The following PPP2R2B variants were observed in gnomAD, a reference collection of about 807,000 sequenced individuals.
PPP2R2B encodes serine/threonine-protein phosphatase 2A 55 kDa regulatory subunit B beta isoform.
A neutral mutation model predicts 46.0 loss-of-function variants in PPP2R2B; 5 were observed. The observed-to-expected ratio is 0.11, with a 90% CI of 0.06 to 0.23. The LOEUF is 0.23. Ranked by LOEUF, PPP2R2B falls within the 10% of genes least tolerant of loss-of-function variation. The pLI is 1.00. For synonymous variants in PPP2R2B, 215 were observed against 206.7 expected (o/e 1.04, Z -0.34); for missense variants, 367 against 575.0 (o/e 0.64, Z 3.70).
intron 1 of PPP2R2B, among the ~76,000 whole-genome samples, chr5:146,924,036 A>G (rs1013136593): frequency 1.3e-5 from 2 of 152,184 alleles, no homozygotes; most frequent in Non-Finnish European, 2.9e-5. Flanking sequence ...ACATATGGAC[A>G]CATAGAGGGG....
chr5:146,884,135 A>G (rs1762253344), intron 1 of PPP2R2B, among the ~76,000 whole-genome samples: 1 of 118,758 alleles, frequency 8.4e-6, no homozygotes, highest in African/African-American at 3.3e-5. Flanking sequence ...TTAAACATTT[A>G]CCAGCCTACC....
chr5:146,644,234 CAAAAAAAAAA>C (rs58634387), intron 6 of PPP2R2B, among the ~76,000 whole-genome samples: 1 of 60,660 alleles, frequency 1.6e-5, no homozygotes, highest in Non-Finnish European at 3.0e-5. Flanking sequence ...AGGAAAGTTT[CAAAAAAAAAA>C]AAAAAAAAAA....
At chr5:146,909,881 CCAAA>C (rs1315145811) in intron 1 of PPP2R2B, among the ~76,000 whole-genome samples, 1 of 152,014 alleles carries the variant, frequency 6.6e-6, no homozygotes, top group African/African-American at 2.4e-5. Context: ...ACAAAAAAGC[CCAAA>C]CAGATTAAGG....
chr5:146,881,519 T>C (rs182882781), upstream of PPP2R2B, among the ~76,000 whole-genome samples: 173 of 152,192 alleles, frequency 1.1e-3, 1 homozygote, highest in East Asian at 0.02. Context: ...TTCAAGTGAG[T>C]CTCATGCGTC....
intron 2 of PPP2R2B, among the ~76,000 whole-genome samples, chr5:146,780,698 C>A (rs1755457032): frequency 6.6e-6 from 1 of 152,186 alleles, no homozygotes; most frequent in South Asian, 2.1e-4. Context: ...AATCCCTGTG[C>A]TGTTTGCTGT....
rs940134409 is a variant in PPP2R2B, at chr5:146,588,893, G to A, written c.*1054C>T. On this transcript the variant is annotated 3_prime_UTR_variant, in exon 10 of 10. Transcript: ENST00000394411. The stretch of plus-strand genomic sequence containing the variant: ...GGCTATTTTTGTTCTAGGTACAATG[G>A]AGGTTGATGGATTGTTACTTTTGGT... 6.6e-6 allele frequency: 1 copy of A among 152,140 alleles called. No homozygotes were observed. Among genetic ancestry groups the A allele is most frequent in the Non-Finnish European group, 1.5e-5 (1 of 68,046 alleles). 9.4% of individuals were successfully genotyped at this position (152,140 alleles called of 1,614,324 possible).
At position 146,946,212 on chromosome 5, in the gene PPP2R2B, C is replaced by A. The variant is rs1295060515; in HGVS notation, c.79+109453G>T. ...AGTATAGCCCAACTACCCCTGTGCA[C>A]ACTTCAGCAATCAACTTGAAGCAGT... On this transcript the variant is annotated intron_variant, in intron 1 of 8. Coordinates refer to the PPP2R2B transcript ENST00000336640. Among the ~76,000 whole-genome samples, 4 of 152,258 alleles carry A rather than the reference C, an allele frequency of 2.6e-5. No homozygotes were observed. The East Asian group carries it at 7.7e-4, about 29-fold the overall frequency.
At chr5:147,079,019 T>C (rs1757887892) in intron 2 of PPP2R2B, among the ~76,000 whole-genome samples, 1 of 152,006 alleles carries the variant, frequency 6.6e-6, no homozygotes, top group Non-Finnish European at 1.5e-5. Flanking sequence ...TTAAAAAAGT[T>C]TCTAATGTCT....
At chr5:147,058,406 G>A (rs1419889756), upstream of PPP2R2B, among the ~76,000 whole-genome samples, 1 of 152,102 alleles carries the variant, frequency 6.6e-6, no homozygotes, top group Non-Finnish European at 1.5e-5. Context: ...TAAGTCAATA[G>A]TAGGCACTCA....
chr5:146,658,853 C>G (rs1776512103), intron 5 of PPP2R2B, among the ~76,000 whole-genome samples: 1 of 152,110 alleles, frequency 6.6e-6, no homozygotes, highest in Non-Finnish European at 1.5e-5. Flanking sequence ...AGATGCATTT[C>G]TAATAAAATG....
intron 1 of PPP2R2B, among the ~76,000 whole-genome samples, chr5:146,927,423 A>G (rs1371605703): frequency 4.6e-5 from 7 of 152,168 alleles, no homozygotes; most frequent in Admixed American, 3.9e-4. Context: ...AGATAACTTC[A>G]GCAACAGATT....
In PPP2R2B at chr5:146,949,561, T is replaced by C. The variant is rs144969721; in HGVS notation, c.79+106104A>G. ...GAGAAAAGGCAAGCCTCTTATGCTG[T>C]TGGTGGGGATGTAAATTAGTACAAC... On this transcript the variant is annotated intron_variant, in intron 1 of 8. Coordinates refer to the PPP2R2B transcript ENST00000336640. 2.1e-3 allele frequency among the ~76,000 whole-genome samples: 320 copies of C among 152,202 alleles called. 4 individuals are homozygous for C. Among genetic ancestry groups the C allele is most frequent in the African/African-American group, 7.4e-3 (307 of 41,556 alleles).
At chr5:146,839,169 G>A (rs1177295447) in intron 2 of PPP2R2B, among the ~76,000 whole-genome samples, 1 of 152,178 alleles carries the variant, frequency 6.6e-6, no homozygotes, top group Non-Finnish European at 1.5e-5. Flanking sequence ...AGGCAGGAAG[G>A]CAAACATTAC....
chr5:147,061,431 C>T (rs895421486), intron 2 of PPP2R2B, among the ~76,000 whole-genome samples: 3 of 152,210 alleles, frequency 2.0e-5, no homozygotes, highest in African/African-American at 4.8e-5. Flanking sequence ...AATTTATCCT[C>T]ACCGAGATTT....
intron 2 of PPP2R2B, among the ~76,000 whole-genome samples, chr5:146,854,161 G>C (rs191493477): frequency 2.0e-5 from 3 of 152,054 alleles, no homozygotes; most frequent in Non-Finnish European, 4.4e-5. Context: ...TTCCCAATCT[G>C]CTGACACACA....
chr5:146,911,127 A>G (rs1042456889), intron 1 of PPP2R2B, among the ~76,000 whole-genome samples: 1 of 148,688 alleles, frequency 6.7e-6, no homozygotes, highest in African/African-American at 2.5e-5. Context: ...TTTGTCCCCC[A>G]AGTTGGAGTG....
intron 1 of PPP2R2B, among the ~76,000 whole-genome samples, chr5:146,984,923 TC>T (rs1440755015): frequency 6.6e-6 from 1 of 152,102 alleles, no homozygotes; most frequent in East Asian, 1.9e-4. Context: ...AAAATTCTGT[TC>T]TTTGTTTTCT....
At chr5:146,871,220 G>A (rs1190136647) in intron 2 of PPP2R2B, among the ~76,000 whole-genome samples, 1 of 152,206 alleles carries the variant, frequency 6.6e-6, no homozygotes, top group African/African-American at 2.4e-5. Context: ...TGGCCAAAGT[G>A]AAGCCTCAGA....
chr5:146,680,619 A>T (rs1032924413), intron 5 of PPP2R2B, among the ~76,000 whole-genome samples: 6 of 152,130 alleles, frequency 3.9e-5, no homozygotes, highest in Non-Finnish European at 7.3e-5. Context: ...GAAGTAAATA[A>T]ATTTGCTTAA....
Sources: gnomAD v4.1 joint callset for allele counts (sites outside exome capture counted in the v4.1 genomes callset) on GRCh38, gnomAD v4.1.1 for gene constraint, MANE v1.5 for transcripts, NCBI Gene and HGNC (gene_info 2026-07-23, HGNC 2026-07-21) for gene names.